The following SNX29 variants were observed in gnomAD, a reference collection of about 807,000 sequenced individuals.
The protein encoded by SNX29 is sorting nexin 29.
Under a neutral mutation model 102.1 loss-of-function variants are expected in SNX29, and 78 were observed. The ratio of observed to expected loss-of-function variants is 0.76; its 90% CI spans 0.64 to 0.92. The LOEUF (loss-of-function observed/expected upper bound fraction) is 0.92, where lower values mean the gene tolerates loss of function less well. Among genes scored for constraint, SNX29 ranks in the 40% least tolerant of loss-of-function variants. The probability of loss-of-function intolerance (pLI) is 0.00; values close to 1 mark genes in which losing one functional copy is unlikely to be tolerated. For synonymous variants in SNX29, 580 were observed against 414.5 expected (o/e 1.40, Z -4.85); for missense variants, 1,280 against 1,061.7 (o/e 1.21, Z -2.86).
chr16:12,313,534 A>G (rs1374237733), intron 15 of SNX29, among the ~76,000 whole-genome samples: 1 of 152,176 alleles, frequency 6.6e-6, no homozygotes, highest in East Asian at 1.9e-4. Flanking sequence ...ACCTGCCAGT[A>G]TGAACTGGGG....
At chr16:11,978,026 C>T (rs1016134306) in intron 1 of SNX29, among the ~76,000 whole-genome samples, 4 of 152,184 alleles carry the variant, frequency 2.6e-5, no homozygotes, top group Non-Finnish European at 5.9e-5. Flanking sequence ...AGGGATACTG[C>T]TGTCTTCAAT....
intron 16 of SNX29, among the ~76,000 whole-genome samples, chr16:12,361,462 T>G (rs1222385743): frequency 1.3e-5 from 2 of 152,258 alleles, no homozygotes; most frequent in Non-Finnish European, 2.9e-5. Context: ...TATTAATAGC[T>G]AATATTTATT....
intron 20 of SNX29, among the ~76,000 whole-genome samples, chr16:12,562,550 A>G (rs1233181584): frequency 6.6e-6 from 1 of 152,168 alleles, no homozygotes; most frequent in Non-Finnish European, 1.5e-5. Context: ...GAGTCATCTA[A>G]GACACTGTCC....
At chr16:12,024,357 G>C (rs2057128412) in intron 3 of SNX29, among the ~76,000 whole-genome samples, 1 of 152,086 alleles carries the variant, frequency 6.6e-6, no homozygotes, top group African/African-American at 2.4e-5. Context: ...TGTTGGCCAG[G>C]CTGGTCTTGA....
chr16:12,565,100 C>G (rs114541170), intron 20 of SNX29, among the ~76,000 whole-genome samples: 2 of 151,914 alleles, frequency 1.3e-5, no homozygotes, highest in Non-Finnish European at 2.9e-5. Flanking sequence ...GTCTTCTCTT[C>G]TGAGTACTGG....
intron 1 of SNX29, among the ~76,000 whole-genome samples, chr16:11,986,057 G>C (rs1465355182): frequency 6.6e-6 from 1 of 151,922 alleles, no homozygotes; most frequent in Admixed American, 6.6e-5. Flanking sequence ...CACTGACCTC[G>C]GGCTCCCAGC....
chr16:12,427,755 A>G (rs1471814257), intron 18 of SNX29, among the ~76,000 whole-genome samples: 2 of 152,160 alleles, frequency 1.3e-5, no homozygotes, highest in Non-Finnish European at 2.9e-5. Context: ...GAACATCAGG[A>G]TTCTCTATGT....
intron 3 of SNX29, among the ~76,000 whole-genome samples, chr16:12,013,500 A>AAAAAAATATATATATATATAT: frequency 1.3e-4 from 4 of 31,626 alleles, no homozygotes; most frequent in African/African-American, 2.0e-4. Context: ...AAAAAAAAAA[A>AAAAAAATATATATATATATAT]ATATATATAT....
chr16:12,527,378 C>A (rs772382828), intron 20 of SNX29: 1 of 503,088 alleles, frequency 2.0e-6, no homozygotes, highest in African/African-American at 1.9e-5. Context: ...AAATAAAAAT[C>A]TCCTGCCTAA....
At chr16:12,520,140 GC>G (rs1264508668) in intron 19 of SNX29, among the ~76,000 whole-genome samples, 1 of 152,196 alleles carries the variant, frequency 6.6e-6, no homozygotes, top group African/African-American at 2.4e-5. Context: ...CGCGATTCAG[GC>G]CAGGGTGTCT....
intron 14 of SNX29, among the ~76,000 whole-genome samples, chr16:12,202,853 C>G (rs528315807): frequency 2.0e-5 from 3 of 152,358 alleles, no homozygotes; most frequent in African/African-American, 7.2e-5. Context: ...CTGGGGAGAG[C>G]AGGTGCATCA....
chr16:12,347,875 C>G (rs56978132), intron 15 of SNX29, among the ~76,000 whole-genome samples: 9,830 of 138,024 alleles, frequency 0.071, 886 homozygotes, highest in African/African-American at 0.22. Context: ...TCCAGGAGTT[C>G]AAGACCAGCC....
chr16:12,319,032 T>G (rs1445429206), intron 15 of SNX29, among the ~76,000 whole-genome samples: 4 of 152,142 alleles, frequency 2.6e-5, no homozygotes, highest in Non-Finnish European at 5.9e-5. Flanking sequence ...TGTGGAGGCC[T>G]GGGGAGTTTC....
chr16:12,342,671 G>A (rs2081644716), intron 15 of SNX29, among the ~76,000 whole-genome samples: 1 of 152,154 alleles, frequency 6.6e-6, no homozygotes, highest in South Asian at 2.1e-4. Context: ...TCATGTAAGA[G>A]CTCCTATGGC....
Position 12,061,578 on chromosome 16 carries a change from T to C in SNX29, c.1175T>C (p.Leu392Pro). Residue 392 changes from leucine to proline, a missense_variant, in exon 9 of 21, where the codon CTG (leucine) becomes CCG (proline). Coordinates refer to ENST00000566228, the MANE Select transcript of SNX29 (RefSeq NM_032167.5). ...TCCCAGATGCACAGCTGGGCTCCGC[T>C]GAAGGTGCTGCACAATGACTCCGAC... The part of the protein sequence containing the change: ...CLSQMHSWAP[L>P]KVLHNDSDIL... 1 of 1,611,630 alleles carries C rather than the reference T, an allele frequency of 6.2e-7. No homozygotes were observed. The highest frequency in any genetic ancestry group is 1.1e-5 in the South Asian group (1 of 90,218).
At chr16:12,527,521 G>C (rs1054442936) in intron 20 of SNX29, 3 of 402,170 alleles carry the variant, frequency 7.5e-6, no homozygotes, top group African/African-American at 6.0e-5. Flanking sequence ...TCACTAAAGA[G>C]AGGGCCCCCC....
intron 8 of SNX29, 143 bp downstream of exon 8, chr16:12,052,365 T>G: frequency 1.2e-6 from 1 of 831,202 alleles, no homozygotes; most frequent in Non-Finnish European, 1.9e-6. Context: ...TACAGGCACC[T>G]GTCACCACAC....
chr16:12,251,598 G>C (rs2078424757), intron 14 of SNX29, among the ~76,000 whole-genome samples: 1 of 152,126 alleles, frequency 6.6e-6, no homozygotes, highest in Admixed American at 6.5e-5. Context: ...AGCTACTCGG[G>C]AGGCTGAGGC....
chr16:12,513,424 T>C (rs976708075), intron 19 of SNX29, among the ~76,000 whole-genome samples: 13 of 151,570 alleles, frequency 8.6e-5, no homozygotes, highest in Admixed American at 2.6e-4. Context: ...TCTTTCCTCC[T>C]ACCCTCTCCT....
Sources: gnomAD v4.1 joint callset for allele counts (sites outside exome capture counted in the v4.1 genomes callset) on GRCh38, gnomAD v4.1.1 for gene constraint, MANE v1.5 for transcripts, NCBI Gene and HGNC (gene_info 2026-07-23, HGNC 2026-07-21) for gene names.